Variants in USP12 observed in about 807,000 individuals in gnomAD.
USP12 encodes ubiquitin carboxyl-terminal hydrolase 12.
A neutral mutation model predicts 45.5 loss-of-function variants in USP12; 19 were observed. The observed-to-expected ratio is 0.42, with a 90% CI of 0.29 to 0.61. The LOEUF is 0.61. USP12 is among the 20% of genes least tolerant of loss of function. The pLI, the probability that USP12 is intolerant of heterozygous loss-of-function variation, is 0.22. For synonymous variants in USP12, 149 were observed against 148.8 expected (o/e 1.00, Z -0.01); for missense variants, 242 against 447.7 (o/e 0.54, Z 4.15).
At chr13:27,070,796 G>A (rs1025573449) in intron 8 of USP12, among the ~76,000 whole-genome samples, 7 of 151,926 alleles carry the variant, frequency 4.6e-5, no homozygotes, top group East Asian at 3.9e-4. Context: ...CAGGTGATCC[G>A]CCCGCCTCAG....
intron 6 of USP12, chr13:27,077,239 C>T (rs914372959): frequency 1.3e-5 from 2 of 152,148 alleles, no homozygotes; most frequent in African/African-American, 4.8e-5. Context: ...ATTAAACCCA[C>T]ATAGAGTTAC....
chr13:27,089,075 T>C (rs1314958718), intron 6 of USP12, among the ~76,000 whole-genome samples: 8 of 152,218 alleles, frequency 5.3e-5, no homozygotes, highest in African/African-American at 1.9e-4. Context: ...GAATCATTAA[T>C]GTCAAGAAAG....
At chr13:27,147,634 GAC>G (rs1877366374) in intron 1 of USP12, among the ~76,000 whole-genome samples, 1 of 151,862 alleles carries the variant, frequency 6.6e-6, no homozygotes, top group Non-Finnish European at 1.5e-5. Flanking sequence ...AAGACAAAAA[GAC>G]ACAGCAAGAA....
At chr13:27,083,454 T>G (rs1231949265) in intron 6 of USP12, among the ~76,000 whole-genome samples, 1 of 151,498 alleles carries the variant, frequency 6.6e-6, no homozygotes, top group Non-Finnish European at 1.5e-5. Context: ...CTTGCCCCCA[T>G]GCCAGCAGCC....
chr13:27,088,340 C>T (rs1034419423), intron 6 of USP12, among the ~76,000 whole-genome samples: 5 of 140,534 alleles, frequency 3.6e-5, no homozygotes, highest in African/African-American at 1.3e-4. Context: ...GGCGTGAATC[C>T]GGGAAGGCGG....
chr13:27,101,180 T>C (rs1874846954), intron 3 of USP12, among the ~76,000 whole-genome samples: 1 of 152,220 alleles, frequency 6.6e-6, no homozygotes, highest in Non-Finnish European at 1.5e-5. Context: ...TCTAAGATTA[T>C]TTGTAGTCCA....
intron 3 of USP12, among the ~76,000 whole-genome samples, chr13:27,103,607 A>AAAAAAAT (rs372985958): frequency 0.03 from 3,802 of 128,424 alleles, 71 homozygotes; most frequent in Non-Finnish European, 0.04. Context: ...TCAAAAAAAA[A>AAAAAAAT]AATAATAATA....
chr13:27,163,786 GAAAAAAAA>G (rs879415456), intron 1 of USP12, among the ~76,000 whole-genome samples: 7 of 96,406 alleles, frequency 7.3e-5, no homozygotes, highest in African/African-American at 2.7e-4. Context: ...AAAAAAAAAA[GAAAAAAAA>G]AAAAGAAAAG....
Position 27,075,220 on chromosome 13 carries a change from G to A in USP12, c.903C>T (p.Asp301=). The part of the protein sequence containing the change: ...GDATNPDRMY[D]LVAVVVHCGS... ...CACAGTGAACCACAACAGCAACAAG[G>A]TCGTACATTCTGTCTGGATTGGTGG... The change falls in exon 7 of 9, where the codon GAC becomes GAT. Residue 301 remains aspartate, a synonymous_variant. Transcript: ENST00000282344. The A allele has an allele frequency of 1.9e-6, 3 of 1,613,926 alleles. No homozygotes were observed. Among genetic ancestry groups the A allele is most frequent in the Non-Finnish European group, 2.5e-6 (3 of 1,179,836 alleles).
chr13:27,121,696 C>A (rs1298231556), intron 1 of USP12, among the ~76,000 whole-genome samples: 1 of 151,864 alleles, frequency 6.6e-6, no homozygotes, highest in African/African-American at 2.4e-5. Context: ...CCCGTCTCTA[C>A]TAAAAATACA....
At chr13:27,122,825 G>A (rs1876058978) in intron 1 of USP12, among the ~76,000 whole-genome samples, 1 of 152,096 alleles carries the variant, frequency 6.6e-6, no homozygotes, top group South Asian at 2.1e-4. Context: ...CAGGCGCGGT[G>A]GCTCATGTCT....
intron 1 of USP12, among the ~76,000 whole-genome samples, chr13:27,167,647 A>G (rs1369189077): frequency 6.6e-6 from 1 of 151,962 alleles, no homozygotes; most frequent in Non-Finnish European, 1.5e-5. Flanking sequence ...TGCTCCTATC[A>G]TAGAAGTACT....
chr13:27,122,633 CAG>C (rs1364714311), intron 1 of USP12, among the ~76,000 whole-genome samples: 2 of 151,846 alleles, frequency 1.3e-5, no homozygotes, highest in Admixed American at 6.6e-5. Flanking sequence ...GCCTGGATGA[CAG>C]AGTGAGACCC....
At chr13:27,124,560 G>A (rs1487939386) in intron 1 of USP12, among the ~76,000 whole-genome samples, 1 of 152,198 alleles carries the variant, frequency 6.6e-6, no homozygotes, top group Non-Finnish European at 1.5e-5. Context: ...TTAGAATGCA[G>A]CATGTATCAT....
At chr13:27,110,159 G>T (rs1356312088) in intron 2 of USP12, among the ~76,000 whole-genome samples, 1 of 147,006 alleles carries the variant, frequency 6.8e-6, no homozygotes, top group Non-Finnish European at 1.5e-5. Flanking sequence ...ATAAGTGGAA[G>T]AGAAGGAAAA....
chr13:27,158,410 C>CTGTTACAGGCATGCACCACT (rs1877939417), intron 1 of USP12, among the ~76,000 whole-genome samples: 1 of 152,216 alleles, frequency 6.6e-6, no homozygotes, highest in Non-Finnish European at 1.5e-5. Flanking sequence ...CGATAAATTT[C>CTGTTACAGGCATGCACCACT]TGTTACAGGC....
intron 6 of USP12, among the ~76,000 whole-genome samples, chr13:27,084,430 C>T (rs1873913245): frequency 2.0e-5 from 3 of 148,582 alleles, no homozygotes; most frequent in Admixed American, 1.4e-4. Context: ...CGCTTGAACC[C>T]GGGAGCTGGA....
intron 2 of USP12, among the ~76,000 whole-genome samples, chr13:27,107,379 T>G (rs1276319263): frequency 6.6e-6 from 1 of 152,160 alleles, no homozygotes; most frequent in South Asian, 2.1e-4. Flanking sequence ...TTGAAACTAT[T>G]GTAGCTATAT....
At chr13:27,148,383 T>C (rs1260521438) in intron 1 of USP12, among the ~76,000 whole-genome samples, 1 of 151,546 alleles carries the variant, frequency 6.6e-6, no homozygotes, top group African/African-American at 2.4e-5. Context: ...AAACTATATA[T>C]ATATATTATA....
Sources: allele counts gnomAD v4.1 joint callset (sites outside exome capture counted in the v4.1 genomes callset), GRCh38; gene constraint gnomAD v4.1.1; transcripts MANE v1.5; gene names NCBI Gene and HGNC (gene_info 2026-07-23, HGNC 2026-07-21).